The following PGCKA1 variants were observed in gnomAD, a reference collection of about 807,000 sequenced individuals.
PGCKA1 encodes the protein PDCD10 and GCKIII kinases-associated protein 1.
At chr4:37,590,459 C>A in the PGCKA1 span, 4 of 1,610,842 alleles carry the variant, frequency 2.5e-6, no homozygotes, top group Non-Finnish European at 3.4e-6. Context: ...CCAACTCAAC[C>A]CTTCCTGGAA....
At chr4:37,548,985 C>T in the PGCKA1 span, among the ~76,000 whole-genome samples, 1 of 152,326 alleles carries the variant, frequency 6.6e-6, no homozygotes, top group African/African-American at 2.4e-5. Context: ...TGCATGGTAG[C>T]TCTTTTCCAG....
the PGCKA1 span, among the ~76,000 whole-genome samples, chr4:37,542,282 CCAG>C: frequency 6.6e-6 from 1 of 152,194 alleles, no homozygotes; most frequent in Non-Finnish European, 1.5e-5. Flanking sequence ...CTTTTGGTCA[CCAG>C]CAGCATTTGT....
the PGCKA1 span, among the ~76,000 whole-genome samples, chr4:37,525,044 CT>C: frequency 6.6e-6 from 1 of 152,122 alleles, no homozygotes; most frequent in African/African-American, 2.4e-5. Context: ...TCCGAAGAAA[CT>C]AAAACTGAAA....
At chr4:37,468,406 C>G in the PGCKA1 span, among the ~76,000 whole-genome samples, 1 of 152,182 alleles carries the variant, frequency 6.6e-6, no homozygotes, top group Admixed American at 6.5e-5. Flanking sequence ...GCTACTTTGT[C>G]CCTTGCCTTG....
At chr4:37,586,619 A>C in the PGCKA1 span, among the ~76,000 whole-genome samples, 1 of 152,206 alleles carries the variant, frequency 6.6e-6, no homozygotes, top group Non-Finnish European at 1.5e-5. Flanking sequence ...GGTTTAAAAA[A>C]ATGGAAGCAG....
the PGCKA1 span, among the ~76,000 whole-genome samples, chr4:37,535,667 T>C: frequency 6.6e-6 from 1 of 152,152 alleles, no homozygotes; most frequent in African/African-American, 2.4e-5. Context: ...GAACTGAAAA[T>C]CGCTATTTCA....
the PGCKA1 span, among the ~76,000 whole-genome samples, chr4:37,512,048 T>C: frequency 0.51 from 78,139 of 152,062 alleles, 20,459 homozygotes; most frequent in African/African-American, 0.6. Context: ...ACAATCACTG[T>C]GCTCTCCCTC....
chr4:37,509,836 G>A, the PGCKA1 span, among the ~76,000 whole-genome samples: 77,080 of 150,160 alleles, frequency 0.51, 20,222 homozygotes, highest in African/African-American at 0.61. Flanking sequence ...GGCGGCGCGC[G>A]CCTGCAATCC....
chr4:37,453,773 C>T, the PGCKA1 span, among the ~76,000 whole-genome samples: 1 of 152,100 alleles, frequency 6.6e-6, no homozygotes, highest in Non-Finnish European at 1.5e-5. Flanking sequence ...CCGGGGATGT[C>T]GGACATCGTA....
the PGCKA1 span, among the ~76,000 whole-genome samples, chr4:37,572,053 T>C: frequency 7.6e-6 from 1 of 131,802 alleles, no homozygotes; most frequent in African/African-American, 2.7e-5. Context: ...CACACCTTTT[T>C]TTTTTTTTTC....
the PGCKA1 span, among the ~76,000 whole-genome samples, chr4:37,517,281 A>AT: frequency 2.7e-5 from 4 of 147,906 alleles, no homozygotes; most frequent in African/African-American, 9.8e-5. Flanking sequence ...ATATATATAT[A>AT]AATATGTATA....
At chr4:37,475,335 A>G in the PGCKA1 span, among the ~76,000 whole-genome samples, 1,908 of 152,248 alleles carry the variant, frequency 0.013, 62 homozygotes, top group East Asian at 0.11. Context: ...AAATTAATAA[A>G]AGTGGTAAAA....
At chr4:37,543,099 A>G in the PGCKA1 span, among the ~76,000 whole-genome samples, 10 of 152,158 alleles carry the variant, frequency 6.6e-5, no homozygotes, top group Non-Finnish European at 1.2e-4. Flanking sequence ...GCTCACCTGT[A>G]AGCACATTTT....
the PGCKA1 span, among the ~76,000 whole-genome samples, chr4:37,512,477 C>CA: frequency 1.2e-4 from 14 of 112,336 alleles, no homozygotes; most frequent in Non-Finnish European, 2.3e-4. Flanking sequence ...TTTTTTGAGA[C>CA]AGAGTCTCAC....
the PGCKA1 span, among the ~76,000 whole-genome samples, chr4:37,567,944 G>C: frequency 6.6e-6 from 1 of 152,198 alleles, no homozygotes; most frequent in Non-Finnish European, 1.5e-5. Context: ...ATATGCTATC[G>C]TAAAGACTAC....
the PGCKA1 span, among the ~76,000 whole-genome samples, chr4:37,569,152 T>G: frequency 1.3e-5 from 2 of 152,158 alleles, no homozygotes; most frequent in Non-Finnish European, 2.9e-5. Flanking sequence ...CCATTGGTGA[T>G]GGCGTTATGG....
At chr4:37,463,865 C>T in the PGCKA1 span, among the ~76,000 whole-genome samples, 2 of 151,324 alleles carry the variant, frequency 1.3e-5, no homozygotes, top group African/African-American at 4.9e-5. Flanking sequence ...AAACTGCAAC[C>T]CTTGACAGGC....
chr4:37,524,232 G>A, the PGCKA1 span, among the ~76,000 whole-genome samples: 7 of 152,208 alleles, frequency 4.6e-5, no homozygotes, highest in African/African-American at 1.7e-4. Context: ...CCAAAACTCA[G>A]TGATTTAAAA....
chr4:37,566,266 CT>C, the PGCKA1 span, among the ~76,000 whole-genome samples: 4,869 of 149,060 alleles, frequency 0.033, 266 homozygotes, highest in African/African-American at 0.11. Flanking sequence ...TTTTTTTGTT[CT>C]TTTTTTTTTA....
Sources: allele counts gnomAD v4.1 joint callset (sites outside exome capture counted in the v4.1 genomes callset), GRCh38; gene constraint gnomAD v4.1.1; transcripts MANE v1.5; gene names NCBI Gene and HGNC (gene_info 2026-07-23, HGNC 2026-07-21).